The following UGT1A8 variants were observed in gnomAD, a reference collection of about 807,000 sequenced individuals.
The protein encoded by UGT1A8 is UDP glucuronosyltransferase family 1 member A8.
Under a neutral mutation model 45.3 loss-of-function variants are expected in UGT1A8, and 39 were observed. The ratio of observed to expected loss-of-function variants is 0.86; its 90% CI spans 0.67 to 1.12. The LOEUF is 1.12. Among genes scored for constraint, UGT1A8 ranks in the 50% most tolerant of loss-of-function variants. The pLI is 0.00. For synonymous variants in UGT1A8, 275 were observed against 249.2 expected (o/e 1.10, Z -0.97); for missense variants, 719 against 664.9 (o/e 1.08, Z -0.90).
intron 1 of UGT1A8, among the ~76,000 whole-genome samples, chr2:233,654,238 T>A (rs537737971): frequency 1.6e-4 from 24 of 152,344 alleles, no homozygotes; most frequent in African/African-American, 5.8e-4. Context: ...ATTCTGTGAT[T>A]GTGATTTTTG....
chr2:233,657,021 A>G (rs1295826838), intron 1 of UGT1A8, among the ~76,000 whole-genome samples: 1 of 151,964 alleles, frequency 6.6e-6, no homozygotes, highest in Non-Finnish European at 1.5e-5. Flanking sequence ...GTCTTTATGA[A>G]ATCCCTGGTG....
intron 1 of UGT1A8, among the ~76,000 whole-genome samples, chr2:233,747,015 G>C (rs911515983): frequency 6.6e-6 from 1 of 151,822 alleles, no homozygotes; most frequent in African/African-American, 2.4e-5. Flanking sequence ...AGGAGTGATC[G>C]GTCTTTCCCG....
chr2:233,674,698 G>A (rs1328344416), intron 1 of UGT1A8, among the ~76,000 whole-genome samples: 1 of 152,098 alleles, frequency 6.6e-6, no homozygotes, highest in Non-Finnish European at 1.5e-5. Flanking sequence ...AAAGAATATG[G>A]ATGTATGAAA....
In UGT1A8 at chr2:233,713,691, C is replaced by T; in HGVS notation, c.856-53343C>T. On this transcript the variant is annotated intron_variant, in intron 1 of 4. Transcript: ENST00000373450. ...TGCTGTTTCTGCTCCTTATGCAAGC[C>T]TTGCCTCTGAGCTTTTTCAGAGAGA... The T allele has an allele frequency of 3.1e-6, 5 of 1,613,942 alleles. 1 individual carries two copies. The South Asian group carries it at 5.5e-5, about 18-fold the overall frequency.
At chr2:233,693,042 C>G (rs1189353497) in intron 1 of UGT1A8, 1 of 1,614,012 alleles carries the variant, frequency 6.2e-7, no homozygotes, top group Non-Finnish European at 8.5e-7. Flanking sequence ...AGAATTTCTG[C>G]AGGGGTTTTC....
At chr2:233,720,428 A>C (rs1040145834) in intron 1 of UGT1A8, among the ~76,000 whole-genome samples, 1 of 152,036 alleles carries the variant, frequency 6.6e-6, no homozygotes, top group Non-Finnish European at 1.5e-5. Context: ...AGGAGATAAG[A>C]CCGTGAATCT....
At chr2:233,737,427 G>T (rs1289829376) in intron 1 of UGT1A8, among the ~76,000 whole-genome samples, 1 of 152,214 alleles carries the variant, frequency 6.6e-6, no homozygotes, top group Non-Finnish European at 1.5e-5. Flanking sequence ...ACAGTATTTG[G>T]GTGGGAGTGT....
intron 1 of UGT1A8, among the ~76,000 whole-genome samples, chr2:233,656,717 G>T (rs1227006483): frequency 6.6e-6 from 1 of 152,106 alleles, no homozygotes; most frequent in East Asian, 1.9e-4. Context: ...GACGAGGCGT[G>T]TCCAGCCTTC....
chr2:233,637,804 T>A (rs1234845068), intron 1 of UGT1A8, among the ~76,000 whole-genome samples: 1 of 152,166 alleles, frequency 6.6e-6, no homozygotes, highest in Non-Finnish European at 1.5e-5. Flanking sequence ...AAAAATAAAA[T>A]CTAGTATTGG....
chr2:233,746,855 T>A (rs1362666040), intron 1 of UGT1A8, among the ~76,000 whole-genome samples: 2 of 151,774 alleles, frequency 1.3e-5, no homozygotes, highest in Non-Finnish European at 2.9e-5. Flanking sequence ...AGACCTCAGC[T>A]GCAGCCTGAT....
chr2:233,636,864 T>C (rs2073305580), intron 1 of UGT1A8: 1 of 1,614,066 alleles, frequency 6.2e-7, no homozygotes, highest in African/African-American at 1.3e-5. Context: ...GTTCATCCAG[T>C]GGTTTTCTTG....
At chr2:233,693,700 C>A in intron 1 of UGT1A8, 1 of 1,614,174 alleles carries the variant, frequency 6.2e-7, no homozygotes, top group Non-Finnish European at 8.5e-7. Context: ...ATGAAGAACT[C>A]GCATCAGCTG....
At chr2:233,688,922 G>A (rs1298474821) in intron 1 of UGT1A8, among the ~76,000 whole-genome samples, 1 of 152,188 alleles carries the variant, frequency 6.6e-6, no homozygotes, top group African/African-American at 2.4e-5. Flanking sequence ...GCCAAGCAGG[G>A]AAGATGGCAG....
chr2:233,716,338 G>C (rs561710355), intron 1 of UGT1A8, among the ~76,000 whole-genome samples: 1 of 152,144 alleles, frequency 6.6e-6, no homozygotes. Context: ...CCAGGTTTGC[G>C]CAACTACAAT....
chr2:233,665,987 T>C (rs1238218490), intron 1 of UGT1A8, among the ~76,000 whole-genome samples: 2 of 151,982 alleles, frequency 1.3e-5, no homozygotes, highest in Non-Finnish European at 2.9e-5. Context: ...ATACCTGAGG[T>C]TGGTTAATTT....
rs1699793349 is a variant in UGT1A8 at position 233,769,122 on chromosome 2, A to G, written c.1295+683A>G. On this transcript the variant is annotated intron_variant, in intron 4 of 4. Transcript: ENST00000373450. The surrounding 1 kb of genome is among the most constrained non-coding windows in gnomAD (Gnocchi z 4.4). ...TAAGAGAAAAACAACTCAAATGCTTAGAAGTACAGCTTTTTGCAGCACTGG... is the reference window on the plus strand; with the variant it reads ...TAAGAGAAAAACAACTCAAATGCTTGGAAGTACAGCTTTTTGCAGCACTGG... Among the ~76,000 whole-genome samples, 1 of 152,252 alleles carries G rather than the reference A, an allele frequency of 6.6e-6. No individual in the cohort carries two copies. The highest frequency in any genetic ancestry group is 1.5e-5 in the Non-Finnish European group (1 of 68,050).
intron 1 of UGT1A8, among the ~76,000 whole-genome samples, chr2:233,650,768 A>T (rs28969992): frequency 0.011 from 1,731 of 152,268 alleles, 43 homozygotes; most frequent in African/African-American, 0.039. Flanking sequence ...AGTGCCTCAA[A>T]CTAGATCCTA....
chr2:233,755,510 G>C (rs1695945720), intron 1 of UGT1A8: 1 of 163,962 alleles, frequency 6.1e-6, no homozygotes, highest in Non-Finnish European at 1.3e-5. Flanking sequence ...ACCAGGCCCC[G>C]CCCACTCCGG....
At chr2:233,667,981 G>T (rs987333205) in intron 1 of UGT1A8, among the ~76,000 whole-genome samples, 1 of 152,134 alleles carries the variant, frequency 6.6e-6, no homozygotes, top group Non-Finnish European at 1.5e-5. Context: ...TAAAGCAAGG[G>T]TGCAAAAAAT....
Sources: gnomAD v4.1 joint callset for allele counts (sites outside exome capture counted in the v4.1 genomes callset) on GRCh38, gnomAD v4.1.1 for gene constraint, Gnocchi (gnomAD v3.1) non-coding constraint, MANE v1.5 for transcripts, NCBI Gene and HGNC (gene_info 2026-07-23, HGNC 2026-07-21) for gene names.